CACNA1C: variants seen among roughly 807,000 people sequenced by gnomAD.
The protein encoded by CACNA1C is voltage-dependent L-type calcium channel subunit alpha-1C.
In CACNA1C, 30 loss-of-function variants were observed where a neutral mutation model predicts 229.0. The ratio of observed to expected loss-of-function variants is 0.13; its 90% CI spans 0.10 to 0.18. The LOEUF is 0.18. Ranked by LOEUF, CACNA1C falls within the 10% of genes least tolerant of loss-of-function variation. CACNA1C has a pLI of 1.00. For synonymous variants in CACNA1C, 1,114 were observed against 1,132.5 expected (o/e 0.98, Z 0.33); for missense variants, 1,658 against 2,845.0 (o/e 0.58, Z 9.49).
Position 2,177,582 on chromosome 12 carries a change from TCCCTC to T in CACNA1C, c.477+57155_477+57159del, listed in dbSNP as rs1392736260. On this transcript the variant is annotated intron_variant, in intron 3 of 46. Transcript: ENST00000399655. ...TTCCTTCCCTCCCTCCCTCCCTCCC[TCCCTC>T]CCTTCCTTCCTTCCTTCCTTCCTTC... 6.3e-4 allele frequency among the ~76,000 whole-genome samples: 22 copies of T among 34,884 alleles called. 1 individual carries two copies. In the East Asian group the frequency reaches 0.02, roughly 31 times the overall value. The allele number at this position is 34,884 out of a possible 152,430, so 22.9% of individuals were successfully genotyped here. A position where few individuals can be genotyped will look rare whatever the true frequency, so the allele number is the denominator to read the frequency against.
At chr12:2,576,469 G>T (rs1265413340) in intron 13 of CACNA1C, among the ~76,000 whole-genome samples, 2 of 152,164 alleles carry the variant, frequency 1.3e-5, no homozygotes, top group Non-Finnish European at 2.9e-5. Context: ...GACATGAAGT[G>T]CTTTGCTCTG....
intron 34 of CACNA1C, among the ~76,000 whole-genome samples, chr12:2,659,552 T>C (rs113963870): frequency 0.047 from 7,229 of 152,216 alleles, 523 homozygotes; most frequent in African/African-American, 0.16. Flanking sequence ...GCACCAGATC[T>C]TAAACGTATG....
chr12:2,293,797 C>A (rs1434755693), intron 3 of CACNA1C, among the ~76,000 whole-genome samples: 1 of 152,148 alleles, frequency 6.6e-6, no homozygotes, highest in African/African-American at 2.4e-5. Context: ...TTATTTGTAT[C>A]CCTACCACGG....
At chr12:2,546,885 C>T (rs569234484) in intron 9 of CACNA1C, among the ~76,000 whole-genome samples, 59 of 152,300 alleles carry the variant, frequency 3.9e-4, no homozygotes, top group Non-Finnish European at 7.3e-4. Context: ...GCAAGTAGGT[C>T]GACCAGTGGG....
chr12:2,606,682 G>T lies in CACNA1C; in HGVS notation c.3209+19G>T. ...AATGCAAGTGAGTAGAGGTGGGAGG[G>T]CAGCCAGGGCCACGGCCGGTCAGCC... On this transcript the variant is annotated intron_variant, in intron 25 of 46. Coordinates refer to ENST00000399655, the MANE Select transcript of CACNA1C (RefSeq NM_000719.7). 6.2e-7 allele frequency: 1 copy of T among 1,603,604 alleles called. No individual in the cohort carries two copies. The highest frequency in any genetic ancestry group is 8.5e-7 in the Non-Finnish European group (1 of 1,174,456).
intron 1 of CACNA1C, among the ~76,000 whole-genome samples, chr12:2,045,722 G>C (rs1355090001): frequency 2.0e-5 from 3 of 152,036 alleles, no homozygotes; most frequent in African/African-American, 7.2e-5. Flanking sequence ...AGTGAAAATG[G>C]GTGAAGAAAC....
At chr12:2,498,803 C>T (rs547562129) in intron 7 of CACNA1C, among the ~76,000 whole-genome samples, 1 of 152,200 alleles carries the variant, frequency 6.6e-6, no homozygotes, top group Admixed American at 6.5e-5. Context: ...CCGCAGAGAC[C>T]TGGGTTTTAG....
chr12:2,303,739 C>T (rs759716975), intron 3 of CACNA1C, among the ~76,000 whole-genome samples: 11 of 152,298 alleles, frequency 7.2e-5, no homozygotes, highest in African/African-American at 1.7e-4. Context: ...TTCTGTCTAA[C>T]GGGCAAGGCT....
chr12:2,089,007 C>G (rs1349437110), intron 1 of CACNA1C, among the ~76,000 whole-genome samples: 2 of 152,046 alleles, frequency 1.3e-5, no homozygotes, highest in East Asian at 1.9e-4. Flanking sequence ...TCTGGGAGAC[C>G]CTGTGGGGCT....
At chr12:2,333,612 C>G (rs2096612658) in intron 3 of CACNA1C, among the ~76,000 whole-genome samples, 1 of 152,208 alleles carries the variant, frequency 6.6e-6, no homozygotes, top group South Asian at 2.1e-4. Flanking sequence ...TAGGGTGATT[C>G]TGACCCCTTG....
chr12:2,538,911 C>T (rs1417414411), intron 9 of CACNA1C, among the ~76,000 whole-genome samples: 1 of 152,202 alleles, frequency 6.6e-6, no homozygotes, highest in Non-Finnish European at 1.5e-5. Flanking sequence ...GTCTATTCTG[C>T]GGTGGGGCTG....
intron 3 of CACNA1C, among the ~76,000 whole-genome samples, chr12:2,213,843 C>T (rs983698038): frequency 2.0e-5 from 3 of 152,254 alleles, no homozygotes; most frequent in Admixed American, 1.3e-4. Flanking sequence ...ACTGCCCCTC[C>T]TCCCGCAGTC....
At chr12:2,682,281 TAAGTGGA>T (rs1307926285) in intron 42 of CACNA1C, among the ~76,000 whole-genome samples, 1 of 151,026 alleles carries the variant, frequency 6.6e-6, no homozygotes, top group Non-Finnish European at 1.5e-5. Flanking sequence ...GACCAGAGGG[TAAGTGGA>T]TTGGGGTCAG....
At chr12:2,006,762 T>C (rs929589120) in intron 1 of CACNA1C, among the ~76,000 whole-genome samples, 4 of 152,152 alleles carry the variant, frequency 2.6e-5, no homozygotes, top group African/African-American at 9.7e-5. Context: ...TCAAACAACT[T>C]TTTTTTGACT....
chr12:2,370,847 G>A (rs1328952243), intron 3 of CACNA1C, among the ~76,000 whole-genome samples: 1 of 152,174 alleles, frequency 6.6e-6, no homozygotes, highest in East Asian at 1.9e-4. Context: ...GCTGACCTGG[G>A]TTGCCTTGGT....
At chr12:2,009,991 C>G (rs2044112218) in intron 1 of CACNA1C, among the ~76,000 whole-genome samples, 1 of 151,894 alleles carries the variant, frequency 6.6e-6, no homozygotes. Flanking sequence ...AAAAAAAACC[C>G]AAAAAACTAT....
intron 1 of CACNA1C, among the ~76,000 whole-genome samples, chr12:2,059,364 G>T (rs776789840): frequency 1.3e-4 from 20 of 151,666 alleles, no homozygotes; most frequent in Non-Finnish European, 2.5e-4. Context: ...GGGACTGTAG[G>T]AGAGAAGTTT....
At chr12:2,041,270 CTTTTTTTTTTT>C (rs58922699) in intron 1 of CACNA1C, among the ~76,000 whole-genome samples, 2,242 of 91,100 alleles carry the variant, frequency 0.025, 82 homozygotes, top group African/African-American at 0.088. Context: ...TAAGGGTATT[CTTTTTTTTTTT>C]TTTTTTTTTT....
chr12:2,685,965 A>G lies in CACNA1C; in HGVS notation c.5680+123A>G, dbSNP rs566505662. The stretch of plus-strand genomic sequence containing the variant: ...CAGCCCCACACAGTGGGGCATTTCC[A>G]AAGCAAGGAGACAACATTCCAAAGG... On this transcript the variant is annotated intron_variant, in intron 44 of 46. Transcript: ENST00000399655. The G allele has an allele frequency of 1.3e-4, 106 of 817,072 alleles. 1 individual carries two copies. In the South Asian group the frequency reaches 1.5e-3, roughly 12 times the overall value. 50.6% of individuals were successfully genotyped at this position (817,072 alleles called of 1,614,324 possible).
Sources: allele counts gnomAD v4.1 joint callset (sites outside exome capture counted in the v4.1 genomes callset), GRCh38; gene constraint gnomAD v4.1.1; transcripts MANE v1.5; gene names NCBI Gene and HGNC (gene_info 2026-07-23, HGNC 2026-07-21).